CPA6: variants seen among roughly 807,000 people sequenced by gnomAD.
CPA6 encodes the protein carboxypeptidase A6.
CPA6 carries 58 observed loss-of-function variants against 63.3 expected under a neutral mutation model. The ratio of observed to expected loss-of-function variants is 0.92; its 90% CI spans 0.74 to 1.14. CPA6 has a LOEUF of 1.14. Ranked by LOEUF, CPA6 falls within the 50% of genes most tolerant of loss-of-function variation. The pLI is 0.00. For synonymous variants in CPA6, 185 were observed against 179.0 expected (o/e 1.03, Z -0.27); for missense variants, 565 against 526.6 (o/e 1.07, Z -0.71).
intron 1 of CPA6, among the ~76,000 whole-genome samples, chr8:67,727,964 G>C (rs1817629809): frequency 6.6e-6 from 1 of 151,802 alleles, no homozygotes; most frequent in Admixed American, 6.6e-5. Flanking sequence ...TGTAGTCCCA[G>C]CTACTCGGGA....
chr8:67,728,871 T>C (rs1817654363), intron 1 of CPA6, among the ~76,000 whole-genome samples: 1 of 152,180 alleles, frequency 6.6e-6, no homozygotes, highest in South Asian at 2.1e-4. Context: ...AACCTTTATT[T>C]TGCATGGATT....
At chr8:67,467,952 G>A (rs1810966339) in intron 8 of CPA6, among the ~76,000 whole-genome samples, 1 of 151,060 alleles carries the variant, frequency 6.6e-6, no homozygotes, top group Non-Finnish European at 1.5e-5. Flanking sequence ...CAGCTACTTG[G>A]GAGGCTGAGG....
At chr8:67,588,021 A>G (rs1813994136) in intron 2 of CPA6, among the ~76,000 whole-genome samples, 1 of 152,194 alleles carries the variant, frequency 6.6e-6, no homozygotes. Context: ...GCTTGAGGTA[A>G]AAAGTGAGCT....
At chr8:67,449,716 G>A (rs564488756) in intron 8 of CPA6, among the ~76,000 whole-genome samples, 11 of 151,810 alleles carry the variant, frequency 7.2e-5, no homozygotes, top group Admixed American at 3.3e-4. Flanking sequence ...GCTACTTCAC[G>A]ATGCCATCAA....
At chr8:67,432,280 C>T (rs1810044089) in intron 9 of CPA6, among the ~76,000 whole-genome samples, 1 of 152,108 alleles carries the variant, frequency 6.6e-6, no homozygotes, top group South Asian at 2.1e-4. Flanking sequence ...ATCAATTAGA[C>T]CTATGTAATG....
intron 9 of CPA6, among the ~76,000 whole-genome samples, chr8:67,428,332 A>C (rs956812174): frequency 3.3e-5 from 5 of 152,178 alleles, no homozygotes; most frequent in African/African-American, 9.7e-5. Context: ...TTGATCTCAC[A>C]ACAAACCAGT....
intron 8 of CPA6, among the ~76,000 whole-genome samples, chr8:67,477,451 G>A: frequency 6.6e-6 from 1 of 152,112 alleles, no homozygotes; most frequent in South Asian, 2.1e-4. Context: ...AATACTATAA[G>A]CCAACAGATC....
chr8:67,475,849 T>G (rs1350303094), intron 8 of CPA6, among the ~76,000 whole-genome samples: 1 of 97,780 alleles, frequency 1.0e-5, no homozygotes, highest in Non-Finnish European at 2.0e-5. Flanking sequence ...CTTTCTTTCT[T>G]TCTTTCTTTC....
chr8:67,431,261 A>C (rs1810021698), intron 9 of CPA6, among the ~76,000 whole-genome samples: 1 of 151,856 alleles, frequency 6.6e-6, no homozygotes, highest in African/African-American at 2.4e-5. Context: ...TTTTTTTCAG[A>C]TGGAGTCTCA....
At chr8:67,491,994 C>T (rs373293215) in intron 6 of CPA6, among the ~76,000 whole-genome samples, 9 of 152,010 alleles carry the variant, frequency 5.9e-5, no homozygotes, top group South Asian at 2.1e-4. Context: ...CCTTGTTTCC[C>T]GGTGATAAAT....
chr8:67,643,557 A>T (rs1479765279), intron 1 of CPA6, among the ~76,000 whole-genome samples: 1 of 151,536 alleles, frequency 6.6e-6, no homozygotes, highest in Non-Finnish European at 1.5e-5. Flanking sequence ...TTTTTTTTTT[A>T]AATCAACTGA....
intron 1 of CPA6, among the ~76,000 whole-genome samples, chr8:67,677,903 TC>T (rs1300342473): frequency 6.6e-6 from 1 of 150,936 alleles, no homozygotes; most frequent in Non-Finnish European, 1.5e-5. Context: ...TATCTTCAAC[TC>T]CCCAGGGTAG....
At position 67,630,621 on chromosome 8, in the gene CPA6, G is replaced by A. The variant is rs946418782; in HGVS notation, c.117-6370C>T. ...CTCCTCGGCCTCAATGCCCACTCTG[G>A]CCATGCTTGGGGAACCCTTGAGCCC... is the stretch of plus-strand genomic sequence containing the variant. On this transcript the variant is annotated intron_variant, in intron 1 of 10. Coordinates refer to ENST00000297770, the MANE Select transcript of CPA6 (RefSeq NM_020361.5). Among the ~76,000 whole-genome samples, 3 of 152,222 alleles carry A rather than the reference G, an allele frequency of 2.0e-5. No homozygotes were observed. In the East Asian group the frequency reaches 5.8e-4, roughly 29 times the overall value.
intron 1 of CPA6, among the ~76,000 whole-genome samples, chr8:67,744,176 A>G (rs377157058): frequency 6.6e-6 from 1 of 152,222 alleles, no homozygotes; most frequent in East Asian, 1.9e-4. Flanking sequence ...GAATATGCTC[A>G]GAAATATTTT....
At chr8:67,443,307 G>T (rs997952829) in intron 8 of CPA6, among the ~76,000 whole-genome samples, 1 of 152,072 alleles carries the variant, frequency 6.6e-6, no homozygotes, top group Non-Finnish European at 1.5e-5. Flanking sequence ...TGATCCACCC[G>T]CCTCAGCCTC....
At chr8:67,537,676 C>CTCTA (rs1404564277) in intron 2 of CPA6, among the ~76,000 whole-genome samples, 2 of 152,012 alleles carry the variant, frequency 1.3e-5, no homozygotes, top group Non-Finnish European at 2.9e-5. Context: ...TTTTTCATAT[C>CTCTA]TCTATCTCCT....
chr8:67,622,581 G>A (rs983918055), intron 2 of CPA6, among the ~76,000 whole-genome samples: 1 of 151,974 alleles, frequency 6.6e-6, no homozygotes, highest in Non-Finnish European at 1.5e-5. Context: ...GAGAAGACAG[G>A]GAATCAATAA....
At chr8:67,476,606 T>C (rs557397635) in intron 8 of CPA6, among the ~76,000 whole-genome samples, 45 of 151,776 alleles carry the variant, frequency 3.0e-4, no homozygotes, top group Admixed American at 1.8e-3. Context: ...ATTCATATGG[T>C]TATTCTGATA....
chr8:67,556,092 T>G (rs1267952880), intron 2 of CPA6, among the ~76,000 whole-genome samples: 2 of 152,146 alleles, frequency 1.3e-5, no homozygotes, highest in African/African-American at 4.8e-5. Flanking sequence ...TGTGGATGGA[T>G]CATGAGCAAG....
Sources: gnomAD v4.1 joint callset for allele counts (sites outside exome capture counted in the v4.1 genomes callset) on GRCh38, gnomAD v4.1.1 for gene constraint, MANE v1.5 for transcripts, NCBI Gene and HGNC (gene_info 2026-07-23, HGNC 2026-07-21) for gene names.